The following FAM13A variants were observed in gnomAD, a reference collection of about 807,000 sequenced individuals.
FAM13A encodes the protein protein FAM13A.
In FAM13A, 76 loss-of-function variants were observed where a neutral mutation model predicts 129.6. That is an observed-to-expected ratio of 0.59 (90% CI 0.49 to 0.71). The LOEUF (loss-of-function observed/expected upper bound fraction) is 0.71, where lower values mean the gene tolerates loss of function less well. FAM13A is among the 30% of genes least tolerant of loss of function. FAM13A has a pLI of 0.00. For missense variants in FAM13A, 1,108 were observed against 1,249.3 expected (o/e 0.89, Z 1.70); for synonymous variants, 443 against 449.9 (o/e 0.98, Z 0.20).
At chr4:89,020,266 T>G (rs1375200564) in intron 3 of FAM13A, among the ~76,000 whole-genome samples, 194 bp downstream of exon 3, 6 of 144,934 alleles carry the variant, frequency 4.1e-5, no homozygotes, top group Admixed American at 7.2e-5. Flanking sequence ...AAAACTGGTT[T>G]TTTTTTTTCT....
intron 6 of FAM13A, among the ~76,000 whole-genome samples, chr4:88,898,226 TAC>T (rs888393024): frequency 1.3e-5 from 2 of 152,172 alleles, no homozygotes; most frequent in African/African-American, 4.8e-5. Flanking sequence ...TCGATACATA[TAC>T]AGTTAATAAG....
Position 88,731,341 on chromosome 4 carries a change from GA to G in FAM13A, c.2930del (p.Phe977SerfsTer26). On this transcript the variant is annotated frameshift_variant, in exon 23 of 24. Coordinates refer to ENST00000264344, the MANE Select transcript of FAM13A (RefSeq NM_014883.4). LOFTEE classifies it high-confidence loss of function. The stretch of plus-strand genomic sequence containing the variant: ...ACAGGCACTACCTTCCATTCTGTCT[GA>G]AAAAGTTGTCTTCAAAATCCCGAAG... ...KKLRDFEDNFFRQNGRNVQKE... is the reference protein window; with the variant it reads ...KKLRDFEDNFXRQNGRNVQKE... 1 of 1,604,716 alleles carries G rather than the reference GA, an allele frequency of 6.2e-7. No homozygotes were observed.
chr4:88,989,183 G>A (rs1270099660), intron 4 of FAM13A, among the ~76,000 whole-genome samples: 1 of 149,526 alleles, frequency 6.7e-6, no homozygotes, highest in Non-Finnish European at 1.5e-5. Context: ...ACTCCAACCT[G>A]GGTGACAGAG....
chr4:88,790,539 T>TTA, intron 9 of FAM13A, 47 bp downstream of exon 9: 1 of 1,230,126 alleles, frequency 8.1e-7, no homozygotes, highest in Non-Finnish European at 1.1e-6. Context: ...GACAGGGCAT[T>TTA]AAAAAAAAAA....
chr4:88,825,365 G>A (rs1307094745), intron 7 of FAM13A, among the ~76,000 whole-genome samples: 9 of 151,650 alleles, frequency 5.9e-5, no homozygotes, highest in East Asian at 2.0e-4. Context: ...ACAGGTGCTC[G>A]CCACCATGCC....
intron 3 of FAM13A, among the ~76,000 whole-genome samples, chr4:88,992,210 T>C (rs1324758521): frequency 1.3e-5 from 2 of 152,172 alleles, no homozygotes; most frequent in African/African-American, 4.8e-5. Flanking sequence ...ATAATAGTCC[T>C]GAATAAAGAT....
chr4:88,731,476 T>C (rs1387924209), intron 22 of FAM13A, 48 bp from the exon 23 acceptor site: 6 of 1,156,456 alleles, frequency 5.2e-6, no homozygotes, highest in Non-Finnish European at 7.6e-6. Context: ...ATTTGAGTTG[T>C]CATAAATGTG....
chr4:88,877,446 T>C (rs1409886959), intron 6 of FAM13A, among the ~76,000 whole-genome samples: 1 of 152,226 alleles, frequency 6.6e-6, no homozygotes, highest in African/African-American at 2.4e-5. Flanking sequence ...ATTATTATTA[T>C]GAAGCCTGAA....
intron 11 of FAM13A, among the ~76,000 whole-genome samples, chr4:88,774,146 C>G (rs1449754590): frequency 6.6e-6 from 1 of 152,156 alleles, no homozygotes; most frequent in Non-Finnish European, 1.5e-5. Context: ...GGCTCATTCC[C>G]TCACCTCCTT....
At chr4:88,747,539 A>G (rs1165930121) in intron 18 of FAM13A, 92 bp downstream of exon 18, 4 of 1,046,088 alleles carry the variant, frequency 3.8e-6, no homozygotes, top group South Asian at 1.4e-5. Flanking sequence ...ACAAGGCATC[A>G]TCTTCCCACT....
chr4:88,990,349 T>C (rs1234016503), intron 4 of FAM13A: 1 of 152,218 alleles, frequency 6.6e-6, no homozygotes, highest in Non-Finnish European at 1.5e-5. Context: ...ACTAGAAGAA[T>C]GTATTTGATA....
intron 7 of FAM13A, among the ~76,000 whole-genome samples, chr4:88,829,128 C>T (rs1733490311): frequency 6.6e-6 from 1 of 152,160 alleles, no homozygotes; most frequent in Non-Finnish European, 1.5e-5. Flanking sequence ...AAGAACATTT[C>T]TTGGCCACAG....
chr4:89,040,698 T>A (rs1161253594), intron 1 of FAM13A, among the ~76,000 whole-genome samples: 4 of 152,152 alleles, frequency 2.6e-5, no homozygotes, highest in Non-Finnish European at 2.9e-5. Context: ...AACCCAACAA[T>A]AAAGAAGGAT....
At chr4:89,000,074 C>G (rs1764046158) in intron 3 of FAM13A, among the ~76,000 whole-genome samples, 1 of 152,184 alleles carries the variant, frequency 6.6e-6, no homozygotes, top group African/African-American at 2.4e-5. Flanking sequence ...TGGGCCTCTT[C>G]TTGGCCTTGG....
At chr4:88,883,073 T>C (rs1396313306) in intron 6 of FAM13A, among the ~76,000 whole-genome samples, 2 of 152,096 alleles carry the variant, frequency 1.3e-5, no homozygotes, top group Non-Finnish European at 2.9e-5. Flanking sequence ...GTCAGAGACT[T>C]CAATATTCCA....
intron 3 of FAM13A, chr4:89,009,104 G>A (rs947992239): frequency 6.6e-6 from 1 of 151,862 alleles, no homozygotes; most frequent in Admixed American, 6.6e-5. Context: ...AACAAAACAC[G>A]ATCTCTGAGA....
intron 1 of FAM13A, among the ~76,000 whole-genome samples, chr4:89,046,582 G>T (rs1189850207): frequency 2.0e-5 from 3 of 152,206 alleles, no homozygotes; most frequent in African/African-American, 7.2e-5. Flanking sequence ...GGGCACAGTA[G>T]CTCATGCCTG....
intron 8 of FAM13A, among the ~76,000 whole-genome samples, chr4:88,791,225 G>C (rs994505844): frequency 1.3e-5 from 2 of 152,142 alleles, no homozygotes; most frequent in African/African-American, 4.8e-5. Context: ...GCTCTGTAAT[G>C]TGTCAGCTTA....
chr4:88,959,401 C>T (rs914675291), intron 4 of FAM13A, among the ~76,000 whole-genome samples: 3 of 152,188 alleles, frequency 2.0e-5, no homozygotes, highest in Non-Finnish European at 4.4e-5. Flanking sequence ...GGGCCATCCC[C>T]TTGGTGATGA....
Sources: gnomAD v4.1 joint callset for allele counts (sites outside exome capture counted in the v4.1 genomes callset) on GRCh38, gnomAD v4.1.1 for gene constraint, MANE v1.5 for transcripts, NCBI Gene and HGNC (gene_info 2026-07-23, HGNC 2026-07-21) for gene names.